Variants in LRP5 observed in about 807,000 individuals in gnomAD.
LRP5 encodes the protein low-density lipoprotein receptor-related protein 5.
Under a neutral mutation model 154.1 loss-of-function variants are expected in LRP5, and 62 were observed. The ratio of observed to expected loss-of-function variants is 0.40; its 90% CI spans 0.33 to 0.50. LRP5 has a LOEUF of 0.50. Ranked by LOEUF, LRP5 falls within the 20% of genes least tolerant of loss-of-function variation. The pLI is 0.55. For synonymous variants in LRP5, 966 were observed against 1,011.5 expected, an observed-to-expected ratio of 0.96 and a Z score of 0.85; for missense variants, 1,915 against 2,336.7, an observed-to-expected ratio of 0.82 and a Z score of 3.72.
intron 1 of LRP5, among the ~76,000 whole-genome samples, chr11:68,327,555 C>T (rs937610143): frequency 2.6e-5 from 4 of 152,222 alleles, no homozygotes; most frequent in Admixed American, 6.5e-5. Context: ...TCTCCCCTGT[C>T]ACTGATCCCA....
intron 21 of LRP5, among the ~76,000 whole-genome samples, chr11:68,443,585 A>ATATATTTTT (rs1259673892): frequency 4.0e-5 from 1 of 24,844 alleles, no homozygotes; most frequent in African/African-American, 1.6e-4. Flanking sequence ...ATATATATAT[A>ATATATTTTT]TTTTTTTTTT....
At chr11:68,331,914 C>T (rs1037487970) in intron 1 of LRP5, among the ~76,000 whole-genome samples, 3 of 152,074 alleles carry the variant, frequency 2.0e-5, no homozygotes, top group East Asian at 1.9e-4. Context: ...GAGTGTGAGG[C>T]GGGCAGATGT....
chr11:68,403,968 C>T (rs560415754), intron 8 of LRP5: 61 of 550,434 alleles, frequency 1.1e-4, no homozygotes, highest in East Asian at 8.6e-4. Context: ...CGGCCCTGGC[C>T]GGGAGCCTTC....
At chr11:68,435,373 C>G (rs1285237233) in intron 18 of LRP5, among the ~76,000 whole-genome samples, 1 of 152,164 alleles carries the variant, frequency 6.6e-6, no homozygotes, top group Non-Finnish European at 1.5e-5. Flanking sequence ...TAGGCAGCAC[C>G]AGTATGGCAC....
At position 68,409,091 on chromosome 11, in the gene LRP5, TATATAC is replaced by T. The variant is rs1419685076; in HGVS notation, c.2092-821_2092-816del. ...AAAAAAAAATATATATATATATATA[TATATAC>T]ACACACATACACGCACACACACATA... On this transcript the variant is annotated intron_variant, in intron 9 of 22. Transcript: ENST00000294304. 8.5e-4 allele frequency among the ~76,000 whole-genome samples: 37 copies of T among 43,574 alleles called. 2 individuals carry two copies. Among genetic ancestry groups the T allele is most frequent in the African/African-American group, 2.6e-3 (36 of 13,682 alleles). The allele number at this position is 43,574 out of a possible 152,430, so 28.6% of individuals were successfully genotyped here.
intron 7 of LRP5, among the ~76,000 whole-genome samples, chr11:68,394,483 T>G (rs971973848): frequency 1.1e-4 from 16 of 146,716 alleles, no homozygotes; most frequent in African/African-American, 4.4e-4. Flanking sequence ...TTTTTTTTTT[T>G]GAGGTGGAGT....
Position 68,389,606 on chromosome 11 carries a change from C to T in LRP5, c.1413-275C>T, listed in dbSNP as rs865854840. Among the ~76,000 whole-genome samples, 9 of 151,676 alleles carry T rather than the reference C, an allele frequency of 5.9e-5. No individual in the cohort carries two copies. In the South Asian group the frequency reaches 6.2e-4, roughly 11 times the overall value. On this transcript the variant is annotated intron_variant, in intron 6 of 22. Transcript: ENST00000294304. Reference sequence around the variant, plus strand: ...TACCAACACTGACATTTACCGACACCGACATTTACCGACACTGACATTTAC... The same window carrying T: ...TACCAACACTGACATTTACCGACACTGACATTTACCGACACTGACATTTAC...
intron 7 of LRP5, among the ~76,000 whole-genome samples, chr11:68,395,155 G>T (rs1009263537): frequency 6.6e-6 from 1 of 152,068 alleles, no homozygotes; most frequent in African/African-American, 2.4e-5. Flanking sequence ...ACAAAAATTA[G>T]CCAGGCGTGA....
chr11:68,389,717 C>G (rs891117308), intron 6 of LRP5, among the ~76,000 whole-genome samples, 164 bp from the exon 7 acceptor site: 2 of 151,606 alleles, frequency 1.3e-5, no homozygotes, highest in African/African-American at 4.8e-5. Flanking sequence ...TTTACCAACA[C>G]CGACATTTAC....
chr11:68,439,712 ATGTC>A (rs1223983554), intron 20 of LRP5, 61 bp from the exon 21 acceptor site: 2 of 1,556,384 alleles, frequency 1.3e-6, no homozygotes, highest in Non-Finnish European at 1.7e-6. Context: ...AGAGCGCCCT[ATGTC>A]TGTGGGGCGG....
At chr11:68,318,495 C>T (rs1457844946) in intron 1 of LRP5, among the ~76,000 whole-genome samples, 2 of 152,052 alleles carry the variant, frequency 1.3e-5, no homozygotes, top group South Asian at 2.1e-4. Flanking sequence ...TGCACCACCA[C>T]GCCCAGCTGA....
At chr11:68,337,002 T>G (rs2098606069) in intron 1 of LRP5, among the ~76,000 whole-genome samples, 1 of 152,230 alleles carries the variant, frequency 6.6e-6, no homozygotes, top group Non-Finnish European at 1.5e-5. Context: ...AGCTGTGGCA[T>G]CCTTCCTTTT....
chr11:68,320,500 G>T (rs2098596138), intron 1 of LRP5, among the ~76,000 whole-genome samples: 1 of 146,246 alleles, frequency 6.8e-6, no homozygotes, highest in African/African-American at 2.6e-5. Context: ...GTGTCCTCCA[G>T]GCTGGAGTGC....
chr11:68,438,596 C>T lies in LRP5; in HGVS notation c.4262C>T (p.Pro1421Leu), dbSNP rs1245416493. The T allele has an allele frequency of 6.2e-7, 1 of 1,613,860 alleles. No homozygotes were observed. Among genetic ancestry groups the T allele is most frequent in the Non-Finnish European group, 8.5e-7 (1 of 1,180,000 alleles). The change falls in exon 20 of 23, where the codon CCC (proline) becomes CTC (leucine). Residue 1421 changes from proline to leucine, a missense_variant. This residue lies in a region of LRP5 where 1,094 missense variants were observed against 1,210.1 expected (regional missense o/e 0.90). Coordinates refer to ENST00000294304, the MANE Select transcript of LRP5 (RefSeq NM_002335.4). ...VCQRYAGANGPFPHEYVSGTP... is the reference protein window; with the variant it reads ...VCQRYAGANGLFPHEYVSGTP... ...CAGCGCTATGCGGGGGCCAACGGGC[C>T]CTTCCCGCACGAGTATGTCAGCGGG...
At chr11:68,384,604 CAAGT>C (rs1192931738) in intron 5 of LRP5, among the ~76,000 whole-genome samples, 1 of 152,130 alleles carries the variant, frequency 6.6e-6, no homozygotes, top group Non-Finnish European at 1.5e-5. Flanking sequence ...CTGGGGGCCC[CAAGT>C]CTGCATGGGT....
At chr11:68,299,441 G>A in the LRP5 span, among the ~76,000 whole-genome samples, 5 of 152,128 alleles carry the variant, frequency 3.3e-5, no homozygotes, top group Non-Finnish European at 7.4e-5. Flanking sequence ...GCGGGAGGCA[G>A]CCAGTGTAGA....
chr11:68,412,187 A>T (rs2098659964), intron 11 of LRP5, among the ~76,000 whole-genome samples: 1 of 152,180 alleles, frequency 6.6e-6, no homozygotes. Flanking sequence ...GTCACACAGC[A>T]ACAGGAGCAG....
At chr11:68,317,416 G>C (rs1340537759) in intron 1 of LRP5, among the ~76,000 whole-genome samples, 4 of 152,228 alleles carry the variant, frequency 2.6e-5, no homozygotes, top group Non-Finnish European at 5.9e-5. Flanking sequence ...TCCAGATGGG[G>C]ACCAGGAGGT....
intron 5 of LRP5, among the ~76,000 whole-genome samples, chr11:68,380,199 T>C (rs2098639551): frequency 6.6e-6 from 1 of 152,232 alleles, no homozygotes; most frequent in Non-Finnish European, 1.5e-5. Flanking sequence ...TGGCTCACCA[T>C]CTAGTTGGGA....
Sources: gnomAD v4.1 joint callset for allele counts (sites outside exome capture counted in the v4.1 genomes callset) on GRCh38, gnomAD v4.1.1 for gene constraint, gnomAD v4.1.1 regional missense constraint, MANE v1.5 for transcripts, NCBI Gene and HGNC (gene_info 2026-07-23, HGNC 2026-07-21) for gene names.